The following CNTN5 variants were observed in gnomAD, a reference collection of about 807,000 sequenced individuals.
CNTN5 encodes the protein contactin 5.
Under a neutral mutation model 129.1 loss-of-function variants are expected in CNTN5, and 77 were observed. The observed-to-expected ratio is 0.60, with a 90% CI of 0.50 to 0.72. The LOEUF (loss-of-function observed/expected upper bound fraction) is 0.72, where lower values mean the gene tolerates loss of function less well. Ranked by LOEUF, CNTN5 falls within the 30% of genes least tolerant of loss-of-function variation. The pLI is 0.00. For synonymous variants in CNTN5, 509 were observed against 465.6 expected (o/e 1.09, Z -1.20); for missense variants, 1,478 against 1,328.8 (o/e 1.11, Z -1.75).
At chr11:99,630,532 C>A (rs1184361838) in intron 3 of CNTN5, among the ~76,000 whole-genome samples, 1 of 151,918 alleles carries the variant, frequency 6.6e-6, no homozygotes. Flanking sequence ...GCCTCACCCC[C>A]CGTTTCACAC....
chr11:100,325,366 C>T (rs771641366), intron 21 of CNTN5, among the ~76,000 whole-genome samples: 4 of 152,124 alleles, frequency 2.6e-5, no homozygotes, highest in Admixed American at 6.5e-5. Context: ...GTAAATTGAA[C>T]GAAAGCATGT....
chr11:99,403,480 G>A (rs1648996933), intron 2 of CNTN5, among the ~76,000 whole-genome samples: 1 of 151,874 alleles, frequency 6.6e-6, no homozygotes. Context: ...CCTTTTTGAT[G>A]TGAGCACTTA....
intron 18 of CNTN5, among the ~76,000 whole-genome samples, chr11:100,274,483 G>T (rs1377013664): frequency 1.3e-5 from 2 of 152,060 alleles, no homozygotes; most frequent in African/African-American, 4.8e-5. Context: ...TCTGATAAAG[G>T]TCTAATATCC....
chr11:99,850,370 G>T (rs543718431), intron 6 of CNTN5, among the ~76,000 whole-genome samples: 1 of 152,062 alleles, frequency 6.6e-6, no homozygotes, highest in Non-Finnish European at 1.5e-5. Context: ...CCTAGCTTTC[G>T]CAGAAAATGA....
chr11:100,010,065 T>C (rs1940433098), intron 9 of CNTN5, among the ~76,000 whole-genome samples: 1 of 152,136 alleles, frequency 6.6e-6, no homozygotes, highest in South Asian at 2.1e-4. Flanking sequence ...GGTACAATAC[T>C]CTTGAAAGGG....
chr11:99,775,200 T>A (rs1198421429), intron 3 of CNTN5, among the ~76,000 whole-genome samples: 3 of 152,136 alleles, frequency 2.0e-5, no homozygotes, highest in Non-Finnish European at 1.5e-5. Context: ...TATTTTTGTA[T>A]TTTCTGCTAG....
chr11:99,722,583 A>T (rs939834082), intron 3 of CNTN5, among the ~76,000 whole-genome samples: 1 of 152,050 alleles, frequency 6.6e-6, no homozygotes, highest in African/African-American at 2.4e-5. Context: ...CTGTGACACA[A>T]GTTTTCCTAT....
At chr11:99,990,112 A>G (rs1037076366) in intron 8 of CNTN5, among the ~76,000 whole-genome samples, 3 of 152,084 alleles carry the variant, frequency 2.0e-5, no homozygotes, top group South Asian at 2.1e-4. Context: ...TTTGGTAAAT[A>G]TATATAGTTG....
At chr11:100,351,641 C>T (rs544557937) in intron 24 of CNTN5, among the ~76,000 whole-genome samples, 4 of 132,508 alleles carry the variant, frequency 3.0e-5, no homozygotes, top group South Asian at 2.4e-4. Context: ...AGAAAGCAAC[C>T]ATTTCGTAGA....
chr11:99,614,277 A>G (rs1018368780), intron 3 of CNTN5, among the ~76,000 whole-genome samples: 1 of 152,238 alleles, frequency 6.6e-6, no homozygotes, highest in South Asian at 2.1e-4. Context: ...TCATGTACAT[A>G]CAATCATTTC....
chr11:99,282,682 AG>A (rs1467920087), intron 1 of CNTN5, among the ~76,000 whole-genome samples: 1 of 152,098 alleles, frequency 6.6e-6, no homozygotes, highest in Non-Finnish European at 1.5e-5. Flanking sequence ...AACACAGAAA[AG>A]TTACCACTGA....
chr11:99,758,321 T>G (rs189822671), intron 3 of CNTN5, among the ~76,000 whole-genome samples: 9 of 152,170 alleles, frequency 5.9e-5, no homozygotes, highest in Admixed American at 2.0e-4. Context: ...TATTAGGAAT[T>G]ATGAAAAACA....
chr11:100,065,457 A>G (rs946573590), intron 10 of CNTN5, among the ~76,000 whole-genome samples: 3 of 152,110 alleles, frequency 2.0e-5, no homozygotes, highest in African/African-American at 7.2e-5. Flanking sequence ...GAAGGGAACT[A>G]ATAATCACCA....
intron 3 of CNTN5, among the ~76,000 whole-genome samples, chr11:99,815,196 T>A (rs1464406042): frequency 6.6e-6 from 1 of 152,122 alleles, no homozygotes; most frequent in Non-Finnish European, 1.5e-5. Flanking sequence ...CACACTTAAA[T>A]GTAGCAAGGG....
chr11:99,710,229 T>A (rs181867214), intron 3 of CNTN5, among the ~76,000 whole-genome samples: 484 of 151,880 alleles, frequency 3.2e-3, no homozygotes, highest in African/African-American at 0.01. Flanking sequence ...TTATCATCAC[T>A]GCCCAGCATC....
chr11:100,297,655 G>T lies in CNTN5; in HGVS notation c.2345G>T (p.Gly782Val). 6.2e-7 allele frequency: 1 copy of T among 1,605,632 alleles called. No homozygotes were observed. The highest frequency in any genetic ancestry group is 8.5e-7 in the Non-Finnish European group (1 of 1,175,130). ...VPKTAPTNVS[G>V]RSGRRHELVI... The stretch of plus-strand genomic sequence containing the variant: ...AAGACAGCACCCACCAATGTAAGCG[G>T]AAGAAGTGGAAGAAGGCATGAGTTA... Residue 782 changes from glycine to valine, a missense_variant, in exon 19 of 25, where the codon GGA (glycine) becomes GTA (valine). Gly to Val is a moderately radical substitution (Grantham distance 109, BLOSUM62 -3). Transcript: ENST00000524871.
At chr11:100,006,730 A>G (rs1030071864) in intron 9 of CNTN5, among the ~76,000 whole-genome samples, 2 of 151,272 alleles carry the variant, frequency 1.3e-5, no homozygotes, top group African/African-American at 4.9e-5. Flanking sequence ...ATTCCTATTA[A>G]TATTTTGACC....
At chr11:99,224,880 T>C (rs1024750606) in intron 1 of CNTN5, among the ~76,000 whole-genome samples, 1 of 151,984 alleles carries the variant, frequency 6.6e-6, no homozygotes, top group African/African-American at 2.4e-5. Flanking sequence ...TGTATTTATT[T>C]TGAAAAACTG....
intron 13 of CNTN5, among the ~76,000 whole-genome samples, chr11:100,127,651 C>CTTTTTTTTTTTTTTTTTT (rs66468227): frequency 3.7e-5 from 3 of 81,280 alleles, no homozygotes; most frequent in Non-Finnish European, 4.5e-5. Flanking sequence ...TTCTTTCTTT[C>CTTTTTTTTTTTTTTTTTT]TTTTTTTTTT....
Sources: gnomAD v4.1 joint callset for allele counts (sites outside exome capture counted in the v4.1 genomes callset) on GRCh38, gnomAD v4.1.1 for gene constraint, MANE v1.5 for transcripts, NCBI Gene and HGNC (gene_info 2026-07-23, HGNC 2026-07-21) for gene names.